Variants in SASH1 observed in about 807,000 individuals in gnomAD.
SASH1 encodes SAM and SH3 domain-containing protein 1.
Under a neutral mutation model 125.2 loss-of-function variants are expected in SASH1, and 44 were observed. That is an observed-to-expected ratio of 0.35 (90% CI 0.28 to 0.45). The LOEUF is 0.45. Among genes scored for constraint, SASH1 ranks in the 20% least tolerant of loss-of-function variants. SASH1 has a pLI of 1.00. For missense variants in SASH1, 1,426 were observed against 1,614.5 expected, an observed-to-expected ratio of 0.88 and a Z score of 2.00; for synonymous variants, 639 against 649.1, an observed-to-expected ratio of 0.98 and a Z score of 0.24.
the SASH1 span, among the ~76,000 whole-genome samples, chr6:148,254,153 G>A: frequency 1.2e-4 from 18 of 151,636 alleles, no homozygotes; most frequent in African/African-American, 4.1e-4. Flanking sequence ...GTTGCAGTGA[G>A]CTGAGATCAT....
chr6:148,425,996 G>A (rs1252872235), intron 2 of SASH1, among the ~76,000 whole-genome samples: 2 of 151,978 alleles, frequency 1.3e-5, no homozygotes, highest in Non-Finnish European at 2.9e-5. Flanking sequence ...ATCACCTGAG[G>A]TCAGGAGTTC....
the SASH1 span, among the ~76,000 whole-genome samples, chr6:148,265,319 A>T: frequency 7.6e-6 from 1 of 131,590 alleles, no homozygotes; most frequent in East Asian, 3.2e-4. Context: ...AGAAAGAAAA[A>T]GGAGGGAGGG....
At chr6:148,221,221 C>T in the SASH1 span, among the ~76,000 whole-genome samples, 35,011 of 151,854 alleles carry the variant, frequency 0.23, 4,386 homozygotes, top group East Asian at 0.32. Flanking sequence ...TTAACAGGCC[C>T]AATAAATCTG....
chr6:148,338,081 C>G (rs1582983727), upstream of SASH1, among the ~76,000 whole-genome samples: 1 of 118,354 alleles, frequency 8.4e-6, no homozygotes, highest in Non-Finnish European at 2.0e-5. Flanking sequence ...CCTTGAAGAA[C>G]TTTGTGGGAA....
At chr6:148,502,054 C>T (rs1423742547) in intron 8 of SASH1, among the ~76,000 whole-genome samples, 1 of 152,082 alleles carries the variant, frequency 6.6e-6, no homozygotes, top group Admixed American at 6.6e-5. Flanking sequence ...GTAATATTAC[C>T]TCAAATTCTC....
chr6:148,448,138 GTA>G lies in SASH1; in HGVS notation c.386+7733_386+7734del, dbSNP rs1259791597. On this transcript the variant is annotated intron_variant, in intron 4 of 19. Coordinates refer to ENST00000367467, the MANE Select transcript of SASH1 (RefSeq NM_015278.5). Reference sequence around the variant, plus strand: ...AGAGTGTGTGTGTGTGTGTGTGTGTGTATGTGTGTGTGTGCGTGCGTGCGTGC... The same window carrying G: ...AGAGTGTGTGTGTGTGTGTGTGTGTGTGTGTGTGTGTGCGTGCGTGCGTGC... Among the ~76,000 whole-genome samples the G allele has an allele frequency of 6.1e-3, 924 of 150,654 alleles. 9 individuals carry two copies. Among genetic ancestry groups the G allele is most frequent in the African/African-American group, 0.021 (834 of 40,326 alleles).
rs184761133 is a variant in SASH1, at chr6:148,296,951, G to A, written n.74+24574G>A. Among the ~76,000 whole-genome samples the A allele has an allele frequency of 2.6e-3, 391 of 152,300 alleles. 5 individuals carry two copies. The highest frequency in any genetic ancestry group is 8.9e-3 in the African/African-American group (371 of 41,562). On this transcript the variant is annotated intron_variant and non_coding_transcript_variant, in intron 1 of 3. Coordinates refer to the SASH1 transcript ENST00000367469. ...TGAAAGCAAAGGCCAAGAGCCAAAG[G>A]GCTGCAGCTGTGGATGCTTTTCCTC...
chr6:148,409,826 C>T (rs1392133629), intron 2 of SASH1, among the ~76,000 whole-genome samples: 4 of 152,066 alleles, frequency 2.6e-5, no homozygotes, highest in Admixed American at 2.0e-4. Context: ...CCCAGCTACT[C>T]GGAAGGCTGA....
intron 1 of SASH1, among the ~76,000 whole-genome samples, chr6:148,335,123 C>A (rs564023539): frequency 6.6e-6 from 1 of 151,682 alleles, no homozygotes; most frequent in South Asian, 2.1e-4. Flanking sequence ...CATGGTGAAA[C>A]CCTGTCTGTA....
chr6:148,220,317 C>T, the SASH1 span, among the ~76,000 whole-genome samples: 1 of 151,800 alleles, frequency 6.6e-6, no homozygotes, highest in Non-Finnish European at 1.5e-5. Flanking sequence ...GCTGTGTGCT[C>T]ACATGGCGGA....
the SASH1 span, among the ~76,000 whole-genome samples, chr6:148,231,035 C>A: frequency 6.6e-6 from 1 of 152,142 alleles, no homozygotes; most frequent in Non-Finnish European, 1.5e-5. Flanking sequence ...GGTGCCATAT[C>A]TAAGAAACCA....
chr6:148,546,213 C>G lies in SASH1; in HGVS notation c.3480+67C>G. ...GTGATCACGCTTAGTGATGACCATA[C>G]TAACAACTGCCAAGTAGGCAAGGGC... On this transcript the variant is annotated intron_variant, in intron 19 of 19. Transcript: ENST00000367467. 4 of 1,549,400 alleles carry G rather than the reference C, an allele frequency of 2.6e-6. No homozygotes were observed. In the Admixed American group the frequency reaches 7.8e-5, roughly 30 times the overall value.
chr6:148,207,642 G>A, the SASH1 span, among the ~76,000 whole-genome samples: 14 of 152,284 alleles, frequency 9.2e-5, no homozygotes, highest in Admixed American at 3.3e-4. Flanking sequence ...TTGGGATGGC[G>A]CAGACACAGA....
intron 1 of SASH1, among the ~76,000 whole-genome samples, chr6:148,348,890 C>T (rs6930218): frequency 0.21 from 32,147 of 152,248 alleles, 3,875 homozygotes; most frequent in Middle Eastern, 0.31. Context: ...TATACCCAAC[C>T]TCACAGGGCA....
chr6:148,240,418 G>C, the SASH1 span, among the ~76,000 whole-genome samples: 1 of 152,172 alleles, frequency 6.6e-6, no homozygotes, highest in African/African-American at 2.4e-5. Context: ...AATGAAGAAG[G>C]CAGCTTTCTT....
chr6:148,444,051 G>C (rs1037015557), intron 4 of SASH1, among the ~76,000 whole-genome samples: 2 of 152,104 alleles, frequency 1.3e-5, no homozygotes, highest in Admixed American at 6.6e-5. Flanking sequence ...AACACATGTG[G>C]GCAAGACCTG....
chr6:148,213,452 A>T, the SASH1 span, among the ~76,000 whole-genome samples: 1 of 151,860 alleles, frequency 6.6e-6, no homozygotes, highest in Non-Finnish European at 1.5e-5. Flanking sequence ...TAATATGTCA[A>T]TGATTCTGTG....
chr6:148,341,998 A>AAC (rs1033348160), upstream of SASH1, among the ~76,000 whole-genome samples: 4 of 152,146 alleles, frequency 2.6e-5, no homozygotes, highest in Admixed American at 6.5e-5. Flanking sequence ...CCCTTGGAAA[A>AAC]ACACACACAG....
chr6:148,484,668 C>T (rs1324677032), intron 7 of SASH1, among the ~76,000 whole-genome samples: 1 of 151,430 alleles, frequency 6.6e-6, no homozygotes, highest in African/African-American at 2.4e-5. Context: ...TTGCCAGGTG[C>T]GGCGGCTCAC....
Sources: gnomAD v4.1 joint callset for allele counts (sites outside exome capture counted in the v4.1 genomes callset) on GRCh38, gnomAD v4.1.1 for gene constraint, MANE v1.5 for transcripts, NCBI Gene and HGNC (gene_info 2026-07-23, HGNC 2026-07-21) for gene names.